Variants in CTNNA2 observed in about 807,000 individuals in gnomAD.
CTNNA2 encodes catenin alpha 2.
A neutral mutation model predicts 101.0 loss-of-function variants in CTNNA2; 42 were observed. That is an observed-to-expected ratio of 0.42 (90% CI 0.32 to 0.54). The LOEUF (loss-of-function observed/expected upper bound fraction) is 0.54. Among genes scored for constraint, CTNNA2 ranks in the 20% least tolerant of loss-of-function variants. The probability of loss-of-function intolerance (pLI) is 0.14; values close to 1 mark genes in which losing one functional copy is unlikely to be tolerated. For missense variants in CTNNA2, 871 were observed against 1,223.1 expected (o/e 0.71, Z 4.29); for synonymous variants, 450 against 456.4 (o/e 0.99, Z 0.18).
At chr2:79,745,169 A>T (rs962655550) in intron 3 of CTNNA2, among the ~76,000 whole-genome samples, 55 of 152,146 alleles carry the variant, frequency 3.6e-4, no homozygotes, top group African/African-American at 1.3e-3. Context: ...GGTGGCTCAC[A>T]CCTGTATTCC....
chr2:79,904,378 G>A (rs1468529233), intron 6 of CTNNA2, among the ~76,000 whole-genome samples: 1 of 152,090 alleles, frequency 6.6e-6, no homozygotes, highest in African/African-American at 2.4e-5. Context: ...TATTGGGAGG[G>A]TTAGGTGACT....
At chr2:79,833,198 A>C (rs1679060273) in intron 3 of CTNNA2, among the ~76,000 whole-genome samples, 1 of 152,174 alleles carries the variant, frequency 6.6e-6, no homozygotes, top group Admixed American at 6.5e-5. Context: ...AATTCTGTGG[A>C]TCACAAGATA....
At chr2:79,899,106 G>A (rs1684905998) in intron 6 of CTNNA2, among the ~76,000 whole-genome samples, 2 of 152,066 alleles carry the variant, frequency 1.3e-5, no homozygotes, top group East Asian at 1.9e-4. Flanking sequence ...AGCTCAAAGA[G>A]GATGAATACT....
At chr2:79,613,815 A>G (rs543660930) in intron 1 of CTNNA2, among the ~76,000 whole-genome samples, 103 of 152,280 alleles carry the variant, frequency 6.8e-4, no homozygotes, top group Middle Eastern at 6.8e-3. Context: ...CACCGTATCC[A>G]GCTACATATT....
At chr2:79,701,610 G>C (rs1400426153) in intron 2 of CTNNA2, among the ~76,000 whole-genome samples, 2 of 152,306 alleles carry the variant, frequency 1.3e-5, no homozygotes, top group East Asian at 3.9e-4. Flanking sequence ...CTAGTTATCT[G>C]GCATATTGAA....
At chr2:79,516,510 A>G (rs1671815564) in intron 1 of CTNNA2, among the ~76,000 whole-genome samples, 1 of 152,176 alleles carries the variant, frequency 6.6e-6, no homozygotes, top group Non-Finnish European at 1.5e-5. Context: ...AGAACATTAG[A>G]GAGACTATTT....
chr2:79,695,423 A>G (rs1684594370), intron 2 of CTNNA2, among the ~76,000 whole-genome samples: 1 of 151,998 alleles, frequency 6.6e-6, no homozygotes, highest in Non-Finnish European at 1.5e-5. Context: ...GGCAAAAGGA[A>G]CAGGAATTTA....
At position 79,771,997 on chromosome 2, in the gene CTNNA2, C is replaced by A. The variant is rs188287553; in HGVS notation, c.298+27415C>A. ...TGAGCCTTTGGATAAGTTAACCCCC[C>A]CTCCTCCCCTCCCCTCCTCTCCTCT... On this transcript the variant is annotated intron_variant, in intron 3 of 18. Transcript: ENST00000402739. 2.0e-4 allele frequency among the ~76,000 whole-genome samples: 31 copies of A among 151,224 alleles called. No homozygotes were observed. In the East Asian group the frequency reaches 5.9e-3, roughly 29 times the overall value.
chr2:79,499,875 C>T (rs748916652), intron 4 of CTNNA2, among the ~76,000 whole-genome samples: 2 of 152,160 alleles, frequency 1.3e-5, no homozygotes, highest in Non-Finnish European at 2.9e-5. Context: ...GTAATTGACT[C>T]GTGATTATGG....
intron 2 of CTNNA2, among the ~76,000 whole-genome samples, chr2:79,701,543 A>C (rs542036912): frequency 5.3e-5 from 8 of 152,290 alleles, no homozygotes; most frequent in Admixed American, 4.6e-4. Context: ...ATTCTGATTC[A>C]ACCCATACTG....
At chr2:79,602,625 A>G (rs1271500285) in intron 1 of CTNNA2, among the ~76,000 whole-genome samples, 1 of 152,176 alleles carries the variant, frequency 6.6e-6, no homozygotes, top group Non-Finnish European at 1.5e-5. Flanking sequence ...TACAAACAAG[A>G]TATTAGAGCT....
intron 1 of CTNNA2, among the ~76,000 whole-genome samples, chr2:79,542,213 T>G (rs1673469533): frequency 1.3e-5 from 2 of 152,164 alleles, no homozygotes; most frequent in South Asian, 4.1e-4. Context: ...ACTGCCAGTA[T>G]TAATCCCCAT....
intron 1 of CTNNA2, among the ~76,000 whole-genome samples, chr2:79,574,363 C>G (rs1035927380): frequency 2.6e-5 from 4 of 152,094 alleles, no homozygotes; most frequent in Non-Finnish European, 5.9e-5. Context: ...TCCTCACCCC[C>G]CTTCCACCCT....
chr2:80,178,342 C>T (rs1436168660), intron 7 of CTNNA2, among the ~76,000 whole-genome samples: 2 of 152,160 alleles, frequency 1.3e-5, no homozygotes, highest in Non-Finnish European at 2.9e-5. Flanking sequence ...ACTTGATGAC[C>T]TATAGTTGAA....
intron 11 of CTNNA2, among the ~76,000 whole-genome samples, chr2:80,551,743 C>G (rs1300869448): frequency 6.6e-6 from 1 of 152,138 alleles, no homozygotes; most frequent in African/African-American, 2.4e-5. Context: ...CTATTTAGAC[C>G]ACTCAAACTT....
chr2:80,483,010 T>C (rs1015624839), intron 9 of CTNNA2, among the ~76,000 whole-genome samples: 1 of 152,190 alleles, frequency 6.6e-6, no homozygotes, highest in Non-Finnish European at 1.5e-5. Context: ...ATCTTATCTT[T>C]CTTCCTCTTT....
intron 7 of CTNNA2, among the ~76,000 whole-genome samples, chr2:80,067,662 A>G (rs1228274199): frequency 2.0e-5 from 3 of 152,328 alleles, no homozygotes; most frequent in African/African-American, 7.2e-5. Context: ...CACAAAATGT[A>G]TAGAAAAGGA....
chr2:80,247,592 T>C (rs1671425106), intron 7 of CTNNA2, among the ~76,000 whole-genome samples: 2 of 152,064 alleles, frequency 1.3e-5, no homozygotes, highest in African/African-American at 4.8e-5. Context: ...TCTTCTGCTT[T>C]TCTCTCTCTC....
chr2:80,483,736 A>G (rs1686327169), intron 9 of CTNNA2, among the ~76,000 whole-genome samples: 1 of 152,224 alleles, frequency 6.6e-6, no homozygotes, highest in East Asian at 1.9e-4. Context: ...TTCAGAAAAC[A>G]AAGTATTGGG....
Sources: gnomAD v4.1 joint callset for allele counts (sites outside exome capture counted in the v4.1 genomes callset) on GRCh38, gnomAD v4.1.1 for gene constraint, MANE v1.5 for transcripts, NCBI Gene and HGNC (gene_info 2026-07-23, HGNC 2026-07-21) for gene names.